KCNMA1: variants seen among roughly 807,000 people sequenced by gnomAD.
KCNMA1 encodes the protein potassium calcium-activated channel subfamily M alpha 1, also known as Calcium-activated potassium channel subunit alpha-1.
KCNMA1 carries 29 observed loss-of-function variants against 140.0 expected under a neutral mutation model. The observed-to-expected ratio is 0.21, with a 90% confidence interval of 0.15 to 0.28. The LOEUF (loss-of-function observed/expected upper bound fraction) is 0.28, where lower values mean the gene tolerates loss of function less well. Among genes scored for constraint, KCNMA1 ranks in the 10% least tolerant of loss-of-function variants. KCNMA1 has a pLI of 1.00. For missense variants in KCNMA1, 880 were observed against 1,602.2 expected (o/e 0.55, Z 7.70); for synonymous variants, 612 against 611.9 (o/e 1.00, Z 0.00).
At chr10:76,905,401 A>T (rs1469303450) in intron 25 of KCNMA1, among the ~76,000 whole-genome samples, 2 of 152,216 alleles carry the variant, frequency 1.3e-5, no homozygotes. Context: ...GGCTTTCAGA[A>T]GAAGGAGGAT....
intron 2 of KCNMA1, among the ~76,000 whole-genome samples, chr10:77,395,684 G>A (rs1474282287): frequency 1.3e-5 from 2 of 152,202 alleles, no homozygotes; most frequent in Non-Finnish European, 2.9e-5. Flanking sequence ...TTTTATCCGG[G>A]AACAATTCGT....
chr10:77,617,104 C>T (rs959548170), intron 1 of KCNMA1, among the ~76,000 whole-genome samples: 2 of 152,196 alleles, frequency 1.3e-5, no homozygotes, highest in East Asian at 1.9e-4. Flanking sequence ...TTACTACTCA[C>T]GTTTGAGACC....
At chr10:77,132,586 G>A (rs372116220) in intron 5 of KCNMA1, among the ~76,000 whole-genome samples, 15 of 150,288 alleles carry the variant, frequency 1.0e-4, no homozygotes, top group African/African-American at 3.4e-4. Flanking sequence ...GTGCAGTGGC[G>A]CGATCTCGGC....
intron 5 of KCNMA1, among the ~76,000 whole-genome samples, chr10:77,139,557 G>C (rs914490573): frequency 6.6e-6 from 1 of 152,138 alleles, no homozygotes; most frequent in Non-Finnish European, 1.5e-5. Flanking sequence ...ACCCACATCA[G>C]AATCCTAAAC....
chr10:77,243,205 C>T (rs1158840153), intron 3 of KCNMA1, among the ~76,000 whole-genome samples: 1 of 151,904 alleles, frequency 6.6e-6, no homozygotes, highest in Non-Finnish European at 1.5e-5. Context: ...CCACACACCA[C>T]ACCACACCCC....
chr10:77,268,011 C>A (rs1178873511), intron 2 of KCNMA1, among the ~76,000 whole-genome samples: 1 of 152,192 alleles, frequency 6.6e-6, no homozygotes, highest in Non-Finnish European at 1.5e-5. Context: ...CTCTACTTCC[C>A]AGTTTGCTTG....
chr10:77,052,911 G>A (rs556355190), intron 14 of KCNMA1, among the ~76,000 whole-genome samples: 25 of 152,128 alleles, frequency 1.6e-4, no homozygotes, highest in Non-Finnish European at 3.1e-4. Flanking sequence ...CCTCCTAGCC[G>A]AAAAACCGTA....
chr10:77,472,452 T>TCA (rs55793293), intron 1 of KCNMA1, among the ~76,000 whole-genome samples: 1 of 149,258 alleles, frequency 6.7e-6, no homozygotes, highest in East Asian at 2.0e-4. Context: ...CACACACACA[T>TCA]CACACACACA....
chr10:77,465,021 C>T (rs1158576660), intron 1 of KCNMA1, among the ~76,000 whole-genome samples: 1 of 152,144 alleles, frequency 6.6e-6, no homozygotes, highest in Non-Finnish European at 1.5e-5. Flanking sequence ...AGCCAAAATT[C>T]TAAAACAAAA....
chr10:77,605,468 C>T (rs566431722), intron 1 of KCNMA1, among the ~76,000 whole-genome samples: 1 of 152,352 alleles, frequency 6.6e-6, no homozygotes, highest in South Asian at 2.1e-4. Flanking sequence ...TCATCTCATG[C>T]TTTCTCGTGG....
chr10:77,434,839 G>A (rs2097223806), intron 1 of KCNMA1, among the ~76,000 whole-genome samples: 1 of 152,196 alleles, frequency 6.6e-6, no homozygotes, highest in African/African-American at 2.4e-5. Context: ...GACTGGATCA[G>A]TGCTTCTTAA....
intron 2 of KCNMA1, among the ~76,000 whole-genome samples, chr10:77,308,936 A>G (rs2078538789): frequency 6.6e-6 from 1 of 152,194 alleles, no homozygotes; most frequent in African/African-American, 2.4e-5. Context: ...ATGGCCGCCA[A>G]GTCAGGATTT....
intron 1 of KCNMA1, among the ~76,000 whole-genome samples, chr10:77,530,044 G>A (rs1224329268): frequency 6.6e-6 from 1 of 152,210 alleles, no homozygotes; most frequent in Non-Finnish European, 1.5e-5. Context: ...AGGCATCTGA[G>A]GCCAAAACTT....
At chr10:77,209,504 G>A (rs925432941) in intron 3 of KCNMA1, among the ~76,000 whole-genome samples, 1 of 152,006 alleles carries the variant, frequency 6.6e-6, no homozygotes, top group African/African-American at 2.4e-5. Context: ...ACTCAAAAGG[G>A]GTTTAGGAAA....
At chr10:77,275,286 T>C (rs1451729916) in intron 2 of KCNMA1, among the ~76,000 whole-genome samples, 1 of 152,092 alleles carries the variant, frequency 6.6e-6, no homozygotes, top group African/African-American at 2.4e-5. Context: ...AAGGAAAATG[T>C]ACCCAGAAAA....
chr10:77,623,333 T>C (rs1387364635), intron 1 of KCNMA1, among the ~76,000 whole-genome samples: 1 of 152,140 alleles, frequency 6.6e-6, no homozygotes, highest in East Asian at 1.9e-4. Flanking sequence ...TAGTCCATGG[T>C]CATAAATCAA....
At chr10:77,193,229 C>G (rs2039219848) in intron 3 of KCNMA1, among the ~76,000 whole-genome samples, 1 of 152,172 alleles carries the variant, frequency 6.6e-6, no homozygotes, top group African/African-American at 2.4e-5. Context: ...AACCTACCCA[C>G]TAATGCTTGT....
At chr10:76,891,415 T>C in intron 26 of KCNMA1, 110 bp downstream of exon 26, 2 of 795,900 alleles carry the variant, frequency 2.5e-6, no homozygotes, top group African/African-American at 1.7e-5. Flanking sequence ...TTATCTACAA[T>C]AGGAAGGAGA....
intron 1 of KCNMA1, among the ~76,000 whole-genome samples, chr10:77,433,100 A>G (rs2097185596): frequency 6.6e-6 from 1 of 152,210 alleles, no homozygotes; most frequent in Non-Finnish European, 1.5e-5. Context: ...TTTTCAAAAC[A>G]AAGGTGATTT....
Sources: allele counts gnomAD v4.1 joint callset (sites outside exome capture counted in the v4.1 genomes callset), GRCh38; gene constraint gnomAD v4.1.1; transcripts MANE v1.5; gene names NCBI Gene and HGNC (gene_info 2026-07-23, HGNC 2026-07-21).